ZSWIM6: variants seen among roughly 807,000 people sequenced by gnomAD.
ZSWIM6 encodes zinc finger SWIM-type containing 6.
In ZSWIM6, 9 loss-of-function variants were observed where a neutral mutation model predicts 113.2. The ratio of observed to expected loss-of-function variants is 0.08; its 90% CI spans 0.05 to 0.14. The LOEUF (loss-of-function observed/expected upper bound fraction) is 0.14, where lower values mean the gene tolerates loss of function less well. Ranked by LOEUF, ZSWIM6 falls within the 10% of genes least tolerant of loss-of-function variation. The probability of loss-of-function intolerance (pLI) is 1.00; values close to 1 mark genes in which losing one functional copy is unlikely to be tolerated. For missense variants in ZSWIM6, 1,162 were observed against 1,552.2 expected, an observed-to-expected ratio of 0.75 and a Z score of 4.22; for synonymous variants, 611 against 606.5, an observed-to-expected ratio of 1.01 and a Z score of -0.11.
chr5:61,477,113 A>G (rs1177990660), intron 2 of ZSWIM6, among the ~76,000 whole-genome samples: 1 of 152,064 alleles, frequency 6.6e-6, no homozygotes, highest in Non-Finnish European at 1.5e-5. Context: ...TCTGGCACAT[A>G]TTTCCTCTCC....
At chr5:61,458,844 C>G (rs1747264791) in intron 1 of ZSWIM6, among the ~76,000 whole-genome samples, 1 of 150,836 alleles carries the variant, frequency 6.6e-6, no homozygotes. Flanking sequence ...TGCCACTGCC[C>G]TTCAGCCTGG....
intron 1 of ZSWIM6, among the ~76,000 whole-genome samples, chr5:61,443,349 A>G (rs1746877625): frequency 6.6e-6 from 1 of 152,232 alleles, no homozygotes; most frequent in Non-Finnish European, 1.5e-5. Flanking sequence ...CCAGAATTTC[A>G]GGAATCACAT....
chr5:61,406,866 C>T (rs1453177108), intron 1 of ZSWIM6, among the ~76,000 whole-genome samples: 7 of 152,096 alleles, frequency 4.6e-5, no homozygotes, highest in Non-Finnish European at 8.8e-5. Context: ...GTGCCTGCCA[C>T]CATGCCTGCC....
At chr5:61,384,157 C>T (rs1007610990) in intron 1 of ZSWIM6, among the ~76,000 whole-genome samples, 15 of 147,662 alleles carry the variant, frequency 1.0e-4, no homozygotes, top group Admixed American at 8.9e-4. Context: ...AGGAGAATGG[C>T]GTGAACCCGG....
At position 61,521,453 on chromosome 5, in the gene ZSWIM6, C is replaced by A; in HGVS notation, c.1513+11C>A. ...CAAATGCCAACCAAGGTGAGTCTAC[C>A]ATAATGTTCTGCTTAAATTGTAGCT... On this transcript the variant is annotated intron_variant, in intron 5 of 13. Transcript: ENST00000252744. 6.9e-7 allele frequency: 1 copy of A among 1,442,444 alleles called. No individual in the cohort carries two copies. The highest frequency in any genetic ancestry group is 9.2e-7 in the Non-Finnish European group (1 of 1,089,896). The allele number at this position is 1,442,444 out of a possible 1,614,324, so 89.4% of individuals were successfully genotyped here.
chr5:61,424,172 G>A (rs1561231777), intron 1 of ZSWIM6, among the ~76,000 whole-genome samples: 1 of 152,212 alleles, frequency 6.6e-6, no homozygotes, highest in African/African-American at 2.4e-5. Flanking sequence ...AAGTTAGAAG[G>A]AGATGGACTT....
chr5:61,464,679 G>A (rs1224477776), intron 1 of ZSWIM6, among the ~76,000 whole-genome samples: 1 of 152,128 alleles, frequency 6.6e-6, no homozygotes, highest in African/African-American at 2.4e-5. Flanking sequence ...CCCCTCCCAG[G>A]TCTGAGCATA....
chr5:61,424,493 C>A (rs964404199), intron 1 of ZSWIM6, among the ~76,000 whole-genome samples: 8 of 152,140 alleles, frequency 5.3e-5, no homozygotes, highest in Non-Finnish European at 1.0e-4. Flanking sequence ...CAGATAATCT[C>A]GGTTTTTTCC....
intron 1 of ZSWIM6, among the ~76,000 whole-genome samples, chr5:61,370,015 T>C (rs1745231435): frequency 6.6e-6 from 1 of 152,300 alleles, no homozygotes; most frequent in Admixed American, 6.5e-5. Context: ...CTCAAATGGC[T>C]TTCCAATTGT....
chr5:61,531,482 A>C lies in ZSWIM6; in HGVS notation c.2002A>C (p.Lys668Gln). 6.4e-7 allele frequency: 1 copy of C among 1,551,572 alleles called. No homozygotes were observed. The highest frequency in any genetic ancestry group is 8.7e-7 in the Non-Finnish European group (1 of 1,146,856). Residue 668 changes from lysine (K) to glutamine (Q), a missense_variant, in exon 9 of 14, where the codon AAG (lysine) becomes CAG (glutamine). By Grantham distance (53) the Lys-to-Gln change is moderately conservative. This residue lies in a region of ZSWIM6 where 620 missense variants were observed against 804.6 expected (regional missense o/e 0.77). Coordinates refer to ENST00000252744, the MANE Select transcript of ZSWIM6 (RefSeq NM_020928.2). Reference sequence around the variant, plus strand: ...TTTTGCAGAGAATATGGGACAGTGCAAGTCTCTGGAATACCAGCATCTACC... The same window carrying C: ...TTTTGCAGAGAATATGGGACAGTGCCAGTCTCTGGAATACCAGCATCTACC... ...SDFTENMGQC[K>Q]SLEYQHLPAH...
chr5:61,332,490 GC>G lies in ZSWIM6; in HGVS notation c.222del (p.Glu75SerfsTer35). 1 of 1,255,854 alleles carries G rather than the reference GC, an allele frequency of 8.0e-7. No individual in the cohort carries two copies. The highest frequency in any genetic ancestry group is 1.0e-6 in the Non-Finnish European group (1 of 970,254). 77.8% of individuals were successfully genotyped at this position (1,255,854 alleles called of 1,614,324 possible). On this transcript the variant is annotated frameshift_variant, in exon 1 of 14. Transcript: ENST00000252744. LOFTEE classifies it high-confidence loss of function. The stretch of plus-strand genomic sequence containing the variant: ...TTGCTGCCGCCGGGCAAGACCCAGA[GC>G]CCCGAGTCGCTGCTGGACATCGCGG... ...LGLLPPGKTQSPESLLDIAAR... is the reference protein window; with the variant it reads ...LGLLPPGKTQXPESLLDIAAR...
rs778094668 is a variant in ZSWIM6 at position 61,509,789 on chromosome 5, AGT to A, written c.1334-11473_1334-11472del. On this transcript the variant is annotated intron_variant, in intron 4 of 13. Transcript: ENST00000252744. ...AGAACTCATCATTACAAGTTGCAGA[AGT>A]ATTTCAAGTTACTGATTTTTGTTTA... Among the ~76,000 whole-genome samples the A allele has an allele frequency of 3.3e-5, 5 of 152,228 alleles. No homozygotes were observed. The East Asian group carries it at 9.6e-4, about 29-fold the overall frequency.
In ZSWIM6 at chr5:61,347,265, A is replaced by G. The variant is rs544106630; in HGVS notation, c.676+14317A>G. On this transcript the variant is annotated intron_variant, in intron 1 of 13. Coordinates refer to ENST00000252744, the MANE Select transcript of ZSWIM6 (RefSeq NM_020928.2). Reference sequence around the variant, plus strand: ...GAAAGACAAATACCAAGCTCTGTGCAACATTTATGGTGGCATCACCATTGG... The same window carrying G: ...GAAAGACAAATACCAAGCTCTGTGCGACATTTATGGTGGCATCACCATTGG... 2.2e-5 allele frequency: 4 copies of G among 177,904 alleles called. No individual in the cohort carries two copies. In the Admixed American group the frequency reaches 2.4e-4, roughly 11 times the overall value. The allele number at this position is 177,904 out of a possible 1,614,324, so 11.0% of individuals were successfully genotyped here. A position where few individuals can be genotyped will look rare whatever the true frequency, so the allele number is the denominator to read the frequency against.
intron 1 of ZSWIM6, among the ~76,000 whole-genome samples, chr5:61,461,101 T>A (rs1222154177): frequency 1.3e-5 from 2 of 152,108 alleles, no homozygotes; most frequent in African/African-American, 4.8e-5. Context: ...TTAAAAAATT[T>A]CCCCCCAAAT....
chr5:61,539,864 C>T (rs1473757555), intron 12 of ZSWIM6, 105 bp downstream of exon 12: 4 of 1,114,610 alleles, frequency 3.6e-6, no homozygotes, highest in Non-Finnish European at 5.0e-6. Context: ...GTAAATGACT[C>T]TTTGGAGTAC....
chr5:61,499,583 A>G (rs1250465370), intron 4 of ZSWIM6, among the ~76,000 whole-genome samples: 1 of 152,170 alleles, frequency 6.6e-6, no homozygotes, highest in Non-Finnish European at 1.5e-5. Context: ...CAAATTTAAT[A>G]TGGTTTTATA....
intron 1 of ZSWIM6, among the ~76,000 whole-genome samples, chr5:61,402,697 T>G (rs1441358591): frequency 6.6e-6 from 1 of 152,252 alleles, no homozygotes; most frequent in Non-Finnish European, 1.5e-5. Context: ...GTTTTGCACC[T>G]TAAAGGTTAA....
intron 2 of ZSWIM6, among the ~76,000 whole-genome samples, chr5:61,474,488 T>C (rs1489636026): frequency 6.6e-6 from 1 of 152,218 alleles, no homozygotes; most frequent in African/African-American, 2.4e-5. Context: ...TTTAGCTCAA[T>C]ATATCTAAAA....
rs1744283350 is a variant in ZSWIM6 at position 61,332,742 on chromosome 5, C to T, written c.470C>T (p.Ser157Phe). ...AGGGGGGGSS[S>F]SPAATSAAAT... Reference sequence around the variant, plus strand: ...GGCGGCGGCGGCGGCGGCTCCTCGTCTTCCCCGGCCGCAACCTCGGCGGCC... The same window carrying T: ...GGCGGCGGCGGCGGCGGCTCCTCGTTTTCCCCGGCCGCAACCTCGGCGGCC... The change falls in exon 1 of 14, where the codon TCT (serine) becomes TTT (phenylalanine). Residue 157 changes from serine to phenylalanine, a missense_variant. Physicochemically the swap from Ser to Phe is radical, Grantham distance 155. Coordinates refer to ENST00000252744, the MANE Select transcript of ZSWIM6 (RefSeq NM_020928.2). 1.1e-6 allele frequency: 1 copy of T among 935,846 alleles called. No individual in the cohort carries two copies. Among genetic ancestry groups the T allele is most frequent in the Non-Finnish European group, 1.3e-6 (1 of 797,732 alleles). 58.0% of individuals were successfully genotyped at this position (935,846 alleles called of 1,614,324 possible).
Sources: gnomAD v4.1 joint callset for allele counts (sites outside exome capture counted in the v4.1 genomes callset) on GRCh38, gnomAD v4.1.1 for gene constraint, gnomAD v4.1.1 regional missense constraint, MANE v1.5 for transcripts, NCBI Gene and HGNC (gene_info 2026-07-23, HGNC 2026-07-21) for gene names.